Variants in MND1 observed in about 807,000 individuals in gnomAD.
The protein encoded by MND1 is meiotic nuclear divisions 1.
Under a neutral mutation model 35.1 loss-of-function variants are expected in MND1, and 28 were observed. That is an observed-to-expected ratio of 0.80 (90% confidence interval 0.59 to 1.09). The LOEUF (loss-of-function observed/expected upper bound fraction) is 1.09, where lower values mean the gene tolerates loss of function less well. Ranked by LOEUF, MND1 falls within the 50% of genes least tolerant of loss-of-function variation. The pLI is 0.00. For missense variants in MND1, 213 were observed against 239.6 expected, an observed-to-expected ratio of 0.89 and a Z score of 0.73; for synonymous variants, 69 against 70.5, an observed-to-expected ratio of 0.98 and a Z score of 0.11.
rs1729224811 is a variant in MND1, at chr4:153,397,331, T to TA, written c.465dup (p.Arg156ThrfsTer5). ...TGTGATCCGCAAGTTGTGGAAGAAA[T>TA]ACGTAAGTTTGTGTCATACCTTAGG... On this transcript the variant is annotated frameshift_variant and splice_region_variant, in exon 6 of 8. Transcript: ENST00000240488. LOFTEE classifies it high-confidence loss of function. 6 of 1,606,320 alleles carry TA rather than the reference T, an allele frequency of 3.7e-6. No individual in the cohort carries two copies. The highest frequency in any genetic ancestry group is 5.1e-6 in the Non-Finnish European group (6 of 1,175,238).
intron 4 of MND1, among the ~76,000 whole-genome samples, chr4:153,378,696 C>T (rs1020683667): frequency 2.0e-5 from 3 of 152,154 alleles, no homozygotes; most frequent in Admixed American, 6.5e-5. Flanking sequence ...TATGTTGATA[C>T]CTGGAATAGT....
At chr4:153,391,684 G>A (rs560211234) in intron 4 of MND1, among the ~76,000 whole-genome samples, 6 of 149,796 alleles carry the variant, frequency 4.0e-5, no homozygotes, top group South Asian at 4.2e-4. Context: ...CCAAGATTGC[G>A]CCATTGCACT....
Position 153,373,906 on chromosome 4 carries a change from T to G in MND1, c.276+15284T>G, listed in dbSNP as rs77272581. ...ACTGGATGTTGAGAAGTCATGAGAG[T>G]ATCACCCTGTGCCCCTCAGCCATTG... On this transcript the variant is annotated intron_variant, in intron 4 of 7. Transcript: ENST00000240488. 8.2e-3 allele frequency among the ~76,000 whole-genome samples: 1,243 copies of G among 152,242 alleles called. 14 individuals are homozygous for G. Among genetic ancestry groups the G allele is most frequent in the Middle Eastern group, 0.061 (18 of 294 alleles).
rs902275832 is a variant in MND1 at position 153,352,762 on chromosome 4, A to C, written c.69+2633A>C. Among the ~76,000 whole-genome samples, 7 of 151,666 alleles carry C rather than the reference A, an allele frequency of 4.6e-5. No homozygotes were observed. The East Asian group carries it at 7.7e-4, about 17-fold the overall frequency. On this transcript the variant is annotated intron_variant, in intron 2 of 7. Coordinates refer to ENST00000240488, the MANE Select transcript of MND1 (RefSeq NM_032117.4). ...ACCCTATCTTAAAAAAAAAAAAAAA[A>C]AAAAAACACAACGATATTATCTAGG...
At chr4:153,392,807 TA>T (rs1474356453) in intron 4 of MND1, among the ~76,000 whole-genome samples, 3 of 152,198 alleles carry the variant, frequency 2.0e-5, no homozygotes, top group East Asian at 3.8e-4. Context: ...GTAAAAAGTT[TA>T]AACTGATGAC....
At chr4:153,403,143 A>AT (rs1729389468) in intron 6 of MND1, among the ~76,000 whole-genome samples, 1 of 151,948 alleles carries the variant, frequency 6.6e-6, no homozygotes, top group African/African-American at 2.4e-5. Context: ...TAAAAAAAAA[A>AT]GGAGAAACTA....
At chr4:153,370,121 A>C (rs889301585) in intron 4 of MND1, among the ~76,000 whole-genome samples, 3 of 151,924 alleles carry the variant, frequency 2.0e-5, no homozygotes, top group Non-Finnish European at 2.9e-5. Context: ...GTCTCTACTT[A>C]AAATACAAAG....
intron 4 of MND1, among the ~76,000 whole-genome samples, chr4:153,391,747 C>CACACACACACACAT (rs1440447136): frequency 2.0e-5 from 3 of 151,826 alleles, no homozygotes; most frequent in Non-Finnish European, 2.9e-5. Flanking sequence ...CACACACACA[C>CACACACACACACAT]ACATACATAC....
rs185579797 is a variant in MND1 at position 153,392,072 on chromosome 4, G to A, written c.277-2190G>A. Among the ~76,000 whole-genome samples the A allele has an allele frequency of 1.0e-3, 157 of 151,682 alleles. 1 individual carries two copies. In the Middle Eastern group the frequency reaches 0.024, roughly 23 times the overall value. On this transcript the variant is annotated intron_variant, in intron 4 of 7. Coordinates refer to ENST00000240488, the MANE Select transcript of MND1 (RefSeq NM_032117.4). ...ATATAACTAGATCATATTGTGAACA[G>A]TTAGGTTTTTGTTGTTTTTTTGTGG...
At chr4:153,387,036 T>C (rs2149649259) in intron 4 of MND1, among the ~76,000 whole-genome samples, 1 of 152,324 alleles carries the variant, frequency 6.6e-6, no homozygotes, top group African/African-American at 2.4e-5. Context: ...AATATATTCA[T>C]ATAACAGGAA....
intron 4 of MND1, among the ~76,000 whole-genome samples, chr4:153,373,652 T>G (rs1728390786): frequency 6.6e-6 from 1 of 152,156 alleles, no homozygotes; most frequent in African/African-American, 2.4e-5. Context: ...AGATCAAAGC[T>G]TAATCTGACA....
At chr4:153,386,108 C>T (rs989342336) in intron 4 of MND1, among the ~76,000 whole-genome samples, 7 of 152,028 alleles carry the variant, frequency 4.6e-5, no homozygotes, top group Non-Finnish European at 8.8e-5. Context: ...TATGGGAAAT[C>T]TCTATACCTT....
chr4:153,357,268 T>C (rs1480978237), intron 3 of MND1, among the ~76,000 whole-genome samples: 1 of 152,228 alleles, frequency 6.6e-6, no homozygotes, highest in East Asian at 1.9e-4. Context: ...CACACAATTA[T>C]TCTCTTTACA....
Position 153,361,698 on chromosome 4 carries a change from C to T in MND1, c.276+3076C>T, listed in dbSNP as rs1038915193. 62 of 367,058 alleles carry T rather than the reference C, an allele frequency of 1.7e-4. 1 individual carries two copies. The Middle Eastern group carries it at 3.9e-3, about 23-fold the overall frequency. The allele number at this position is 367,058 out of a possible 1,614,324, so 22.7% of individuals were successfully genotyped here. On this transcript the variant is annotated intron_variant, in intron 4 of 7. Transcript: ENST00000240488. ...TAAAAATACAAAAAAAATAGCCGGG[C>T]GTGGTGGTGGGTGCCTGTAGTCCCA...
At chr4:153,356,770 G>T (rs541796500) in intron 3 of MND1, among the ~76,000 whole-genome samples, 1 of 151,342 alleles carries the variant, frequency 6.6e-6, no homozygotes, top group East Asian at 1.9e-4. Context: ...CTCATATATT[G>T]GCCATGCATA....
At chr4:153,412,258 A>T (rs191887982) in intron 7 of MND1, among the ~76,000 whole-genome samples, 14 of 152,236 alleles carry the variant, frequency 9.2e-5, no homozygotes, top group African/African-American at 3.4e-4. Context: ...ATAAACTTCC[A>T]TAGAAAAAAT....
intron 4 of MND1, among the ~76,000 whole-genome samples, chr4:153,377,167 T>C (rs531647059): frequency 6.6e-6 from 1 of 152,278 alleles, no homozygotes; most frequent in South Asian, 2.1e-4. Context: ...TGGGGACATA[T>C]TTTTTAGGGA....
intron 4 of MND1, among the ~76,000 whole-genome samples, chr4:153,371,100 CT>C (rs1405214697): frequency 1.3e-5 from 2 of 152,036 alleles, no homozygotes; most frequent in Admixed American, 6.5e-5. Context: ...TGAAAGAAAT[CT>C]TTTTTCTGAG....
intron 1 of MND1, among the ~76,000 whole-genome samples, chr4:153,347,155 T>C (rs992355449): frequency 6.6e-6 from 1 of 152,176 alleles, no homozygotes; most frequent in Non-Finnish European, 1.5e-5. Context: ...TAGGACCTAT[T>C]GGACTAGAAA....
Sources: allele counts gnomAD v4.1 joint callset (sites outside exome capture counted in the v4.1 genomes callset), GRCh38; gene constraint gnomAD v4.1.1; transcripts MANE v1.5; gene names NCBI Gene and HGNC (gene_info 2026-07-23, HGNC 2026-07-21).